TRAF7: variants seen among roughly 807,000 people sequenced by gnomAD.
TRAF7 encodes TNF receptor associated factor 7, also known as E3 ubiquitin-protein ligase TRAF7.
A neutral mutation model predicts 89.3 loss-of-function variants in TRAF7; 45 were observed. The ratio of observed to expected loss-of-function variants is 0.50; its 90% confidence interval spans 0.40 to 0.65. TRAF7 has a LOEUF of 0.65. TRAF7 is among the 30% of genes least tolerant of loss of function. TRAF7 has a pLI of 0.00. For synonymous variants in TRAF7, 406 were observed against 369.2 expected (o/e 1.10, Z -1.14); for missense variants, 677 against 918.1 (o/e 0.74, Z 3.39).
rs1424301091 is a variant in TRAF7 at position 2,168,310 on chromosome 16, C to T, written c.231+142C>T. ...AGCACCTGTGGATACCCTGAGGCCT[C>T]GGCAGACATGGCAAGTCTGTGAGAA... On this transcript the variant is annotated intron_variant, in intron 4 of 20. Transcript: ENST00000326181. The surrounding 1 kb of genome is among the most constrained non-coding windows in gnomAD (Gnocchi z 4.1). The T allele has an allele frequency of 6.2e-6, 4 of 649,694 alleles. No homozygotes were observed. Among genetic ancestry groups the T allele is most frequent in the South Asian group, 4.0e-5 (2 of 50,226 alleles). 40.2% of individuals were successfully genotyped at this position (649,694 alleles called of 1,614,324 possible).
Position 2,172,476 on chromosome 16 carries a change from G to A in TRAF7, c.671G>A (p.Gly224Asp). Reference protein sequence around the residue: ...IKLSARKDHEGSCDYRPVRCP... With the variant: ...IKLSARKDHEDSCDYRPVRCP... Reference sequence around the variant, plus strand: ...CCGCCCTGGCACAGGGACCACGAGGGCAGCTGTGACTACAGGCCTGTGCGG... The same window carrying A: ...CCGCCCTGGCACAGGGACCACGAGGACAGCTGTGACTACAGGCCTGTGCGG... The change falls in exon 9 of 21, where the codon GGC becomes GAC. Residue 224 changes from glycine (G) to aspartate (D), a missense_variant. Physicochemically the swap from Gly to Asp is moderately conservative, Grantham distance 94. Coordinates refer to ENST00000326181, the MANE Select transcript of TRAF7 (RefSeq NM_032271.3). The A allele has an allele frequency of 6.2e-7, 1 of 1,609,964 alleles. No homozygotes were observed. Among genetic ancestry groups the A allele is most frequent in the Non-Finnish European group, 8.5e-7 (1 of 1,179,058 alleles).
rs1460985271 is a variant in TRAF7, at chr16:2,178,020, CAAT to C, written c.*1451_*1453del. On this transcript the variant is annotated 3_prime_UTR_variant, in exon 21 of 21. Transcript: ENST00000326181. Reference sequence around the variant, plus strand: ...GTTGGTAAATGGTTTTCTATAGAATCAATAATATTTCTTTCTTTAAATATATAT... The same window carrying C: ...GTTGGTAAATGGTTTTCTATAGAATCAATATTTCTTTCTTTAAATATATAT... 9.3e-6 allele frequency: 4 copies of C among 429,224 alleles called. No individual in the cohort carries two copies. Among genetic ancestry groups the C allele is most frequent in the South Asian group, 4.1e-5 (2 of 49,228 alleles). The allele number at this position is 429,224 out of a possible 1,614,324, so 26.6% of individuals were successfully genotyped here. A position where few individuals can be genotyped will look rare whatever the true frequency, so the allele number is the denominator to read the frequency against.
In TRAF7 at chr16:2,177,271, G is replaced by A. The variant is rs984589322; in HGVS notation, c.*697G>A. 2 of 239,728 alleles carry A rather than the reference G, an allele frequency of 8.3e-6. No homozygotes were observed. The highest frequency in any genetic ancestry group is 1.6e-5 in the Non-Finnish European group (2 of 121,334). 14.9% of individuals were successfully genotyped at this position (239,728 alleles called of 1,614,324 possible). A position where few individuals can be genotyped will look rare whatever the true frequency, so the allele number is the denominator to read the frequency against. On this transcript the variant is annotated 3_prime_UTR_variant, in exon 21 of 21. Coordinates refer to ENST00000326181, the MANE Select transcript of TRAF7 (RefSeq NM_032271.3). ...TGGAGCCCAGCCTGTGCCGCCCTCTGAGGAGAGGCCTGGGGGGACAGCTGG... is the reference window on the plus strand; with the variant it reads ...TGGAGCCCAGCCTGTGCCGCCCTCTAAGGAGAGGCCTGGGGGGACAGCTGG...
rs533703924 is a variant in TRAF7, at chr16:2,170,298, ACGGGAAG to A, written c.232-314_232-308del. On this transcript the variant is annotated intron_variant, in intron 4 of 20. Coordinates refer to ENST00000326181, the MANE Select transcript of TRAF7 (RefSeq NM_032271.3). ...GCCCCCTCACGGCCCACATTCCCCC[ACGGGAAG>A]CAGGAAGCAGCCCGGGTATATGGAA... Among the ~76,000 whole-genome samples, 20 of 152,194 alleles carry A rather than the reference ACGGGAAG, an allele frequency of 1.3e-4. 1 individual carries two copies. Among genetic ancestry groups the A allele is most frequent in the African/African-American group, 3.6e-4 (15 of 41,514 alleles).
intron 2 of TRAF7, 95 bp from the exon 3 acceptor site, chr16:2,165,784 G>A: frequency 6.9e-7 from 1 of 1,442,314 alleles, no homozygotes; most frequent in Non-Finnish European, 9.7e-7. Flanking sequence ...GCGTGGCCTG[G>A]CCTGGTCGCG....
At chr16:2,170,781 C>T in intron 5 of TRAF7, 51 bp downstream of exon 5, 1 of 1,519,802 alleles carries the variant, frequency 6.6e-7, no homozygotes, top group Non-Finnish European at 8.9e-7. Flanking sequence ...GTCACCGCAG[C>T]CGTGGCACGG....
In TRAF7 at chr16:2,157,212, C is replaced by T. The variant is rs1240554874; in HGVS notation, c.-39+1354C>T. On this transcript the variant is annotated intron_variant, in intron 1 of 20. Transcript: ENST00000326181. Reference sequence around the variant, plus strand: ...ACCCCTTCCCTGTGCCTCTCTGTTGCGAATATCCTGACTTCACTGTTCTGG... The same window carrying T: ...ACCCCTTCCCTGTGCCTCTCTGTTGTGAATATCCTGACTTCACTGTTCTGG... 5.9e-5 allele frequency among the ~76,000 whole-genome samples: 9 copies of T among 152,214 alleles called. No homozygotes were observed. In the East Asian group the frequency reaches 1.5e-3, roughly 26 times the overall value.
chr16:2,172,635 G>GGGGGGGGGGGGCC, intron 9 of TRAF7, 36 bp downstream of exon 9: 1 of 1,273,314 alleles, frequency 7.9e-7, no homozygotes, highest in Non-Finnish European at 1.1e-6. Context: ...GCCGGGGTGG[G>GGGGGGGGGGGGCC]CGCAGGCCCT....
At chr16:2,157,106 C>A (rs992341879) in intron 1 of TRAF7, among the ~76,000 whole-genome samples, 60 of 151,470 alleles carry the variant, frequency 4.0e-4, no homozygotes, top group African/African-American at 1.4e-3. Context: ...CCTTCCTGGG[C>A]ACACACAGGC....
intron 5 of TRAF7, 108 bp downstream of exon 5, chr16:2,170,838 C>T (rs550225781): frequency 9.3e-6 from 10 of 1,080,538 alleles, no homozygotes; most frequent in Non-Finnish European, 1.3e-5. Context: ...AGGGAGAGGG[C>T]GGCTGGGGCC....
chr16:2,164,575 T>G (rs1293666522), intron 2 of TRAF7, among the ~76,000 whole-genome samples: 1 of 132,404 alleles, frequency 7.6e-6, no homozygotes, highest in African/African-American at 2.9e-5. Flanking sequence ...TGGTTAAGCA[T>G]GTTAGTGCTA....
intron 18 of TRAF7, 35 bp downstream of exon 18, chr16:2,175,988 G>C (rs1301178347): frequency 6.2e-7 from 1 of 1,605,402 alleles, no homozygotes; most frequent in Admixed American, 1.7e-5. Flanking sequence ...AGGCCAGACT[G>C]TGGCCCCGTC....
intron 15 of TRAF7, 35 bp downstream of exon 15, chr16:2,175,185 G>C (rs368822468): frequency 6.2e-7 from 1 of 1,613,178 alleles, no homozygotes; most frequent in East Asian, 2.2e-5. Context: ...GGCAGGAGGC[G>C]GCCCAGGCCC....
chr16:2,170,813 G>A, intron 5 of TRAF7, 83 bp downstream of exon 5: 1 of 1,306,118 alleles, frequency 7.7e-7, no homozygotes, highest in South Asian at 1.3e-5. Flanking sequence ...CCTCCGCCAT[G>A]CCCGCCCAGC....
In TRAF7 at chr16:2,176,542, G is replaced by A; in HGVS notation, c.1999-18G>A. Reference sequence around the variant, plus strand: ...GCCGGCCGCAGGACATCCTGGTGAAGCAGCCCTTTCTCTGCAGGTTTGGAC... The same window carrying A: ...GCCGGCCGCAGGACATCCTGGTGAAACAGCCCTTTCTCTGCAGGTTTGGAC... On this transcript the variant is annotated intron_variant, in intron 20 of 20. Coordinates refer to ENST00000326181, the MANE Select transcript of TRAF7 (RefSeq NM_032271.3). 6.2e-7 allele frequency: 1 copy of A among 1,613,342 alleles called. No individual in the cohort carries two copies. The highest frequency in any genetic ancestry group is 2.2e-5 in the East Asian group (1 of 44,886).
chr16:2,171,206 T>A, intron 5 of TRAF7, 58 bp from the exon 6 acceptor site: 3 of 1,418,958 alleles, frequency 2.1e-6, no homozygotes, highest in Non-Finnish European at 2.9e-6. Flanking sequence ...GGTGCCTGGG[T>A]GGTGGCGGGG....
intron 7 of TRAF7, 129 bp from the exon 8 acceptor site, chr16:2,172,062 C>T (rs2093113842): frequency 9.0e-6 from 10 of 1,109,970 alleles, no homozygotes; most frequent in Non-Finnish European, 1.0e-5. Flanking sequence ...ACCTGTGCCC[C>T]CGTTCCCATG....
At chr16:2,176,014 A>C in intron 18 of TRAF7, 35 bp from the exon 19 acceptor site, 2 of 1,609,964 alleles carry the variant, frequency 1.2e-6, no homozygotes, top group Middle Eastern at 1.7e-4. Context: ...CGCCTTGCTC[A>C]GTGTCTTTGA....
Position 2,159,884 on chromosome 16 carries a change from AG to A in TRAF7, c.-38-3996del, listed in dbSNP as rs1479563813. Among the ~76,000 whole-genome samples, 1 of 152,176 alleles carries A rather than the reference AG, an allele frequency of 6.6e-6. No homozygotes were observed. Among genetic ancestry groups the A allele is most frequent in the Non-Finnish European group, 1.5e-5 (1 of 68,004 alleles). On this transcript the variant is annotated intron_variant, in intron 1 of 20. Coordinates refer to ENST00000326181, the MANE Select transcript of TRAF7 (RefSeq NM_032271.3). The surrounding 1 kb of genome is among the most constrained non-coding windows in gnomAD (Gnocchi z 6.5). Reference sequence around the variant, plus strand: ...GAAGCCCCCATCTCCCCCACTCAGCAGGGCCCCCCAGGCTGCTGCCAAGTGG... The same window carrying A: ...GAAGCCCCCATCTCCCCCACTCAGCAGGCCCCCCAGGCTGCTGCCAAGTGG...
Sources: gnomAD v4.1 joint callset for allele counts (sites outside exome capture counted in the v4.1 genomes callset) on GRCh38, gnomAD v4.1.1 for gene constraint, Gnocchi (gnomAD v3.1) non-coding constraint, MANE v1.5 for transcripts, NCBI Gene and HGNC (gene_info 2026-07-23, HGNC 2026-07-21) for gene names.